The following ATXN7L1 variants were observed in gnomAD, a reference collection of about 807,000 sequenced individuals.
The protein encoded by ATXN7L1 is ataxin 7 like 1.
ATXN7L1 carries 15 observed loss-of-function variants against 70.8 expected under a neutral mutation model. The ratio of observed to expected loss-of-function variants is 0.21; its 90% CI spans 0.14 to 0.33. The LOEUF (loss-of-function observed/expected upper bound fraction) is 0.33, where lower values mean the gene tolerates loss of function less well. Ranked by LOEUF, ATXN7L1 falls within the 10% of genes least tolerant of loss-of-function variation. The pLI is 1.00. For synonymous variants in ATXN7L1, 440 were observed against 445.1 expected (o/e 0.99, Z 0.14); for missense variants, 975 against 1,097.1 (o/e 0.89, Z 1.57).
At chr7:105,652,567 G>A (rs1800013452) in intron 4 of ATXN7L1, among the ~76,000 whole-genome samples, 2 of 152,170 alleles carry the variant, frequency 1.3e-5, no homozygotes, top group African/African-American at 4.8e-5. Context: ...TGTTCGAGCT[G>A]TAGGCTGCTC....
At chr7:105,764,310 A>C (rs1325674023) in intron 3 of ATXN7L1, among the ~76,000 whole-genome samples, 10 of 152,208 alleles carry the variant, frequency 6.6e-5, no homozygotes, top group East Asian at 5.8e-4. Context: ...AGAAAAAAAA[A>C]AAACCACAAT....
chr7:105,767,927 G>A (rs77828298), intron 3 of ATXN7L1, among the ~76,000 whole-genome samples: 6,491 of 152,314 alleles, frequency 0.043, 478 homozygotes, highest in African/African-American at 0.15. Flanking sequence ...CCTGCAGTGT[G>A]AAAAGACAGA....
At chr7:105,737,293 C>T (rs1797490447) in intron 3 of ATXN7L1, among the ~76,000 whole-genome samples, 1 of 152,228 alleles carries the variant, frequency 6.6e-6, no homozygotes, top group Non-Finnish European at 1.5e-5. Context: ...ATAAACTTTT[C>T]AAACTTCCTC....
chr7:105,712,662 C>T (rs1794074171), intron 3 of ATXN7L1, among the ~76,000 whole-genome samples: 1 of 152,210 alleles, frequency 6.6e-6, no homozygotes, highest in African/African-American at 2.4e-5. Context: ...CACCTTTGCT[C>T]CACTTTCCAA....
chr7:105,745,104 T>A (rs1290271132), intron 3 of ATXN7L1, among the ~76,000 whole-genome samples: 1 of 152,202 alleles, frequency 6.6e-6, no homozygotes, highest in Non-Finnish European at 1.5e-5. Context: ...ATGATGTTAG[T>A]TTCCTGATAA....
At chr7:105,674,356 T>C (rs118038385) in intron 3 of ATXN7L1, among the ~76,000 whole-genome samples, 1 of 152,356 alleles carries the variant, frequency 6.6e-6, no homozygotes, top group East Asian at 1.9e-4. Flanking sequence ...GAGTACCTAC[T>C]ATATATCAGG....
chr7:105,750,988 G>GT (rs1799149027), intron 3 of ATXN7L1, among the ~76,000 whole-genome samples: 2 of 152,148 alleles, frequency 1.3e-5, no homozygotes, highest in South Asian at 2.1e-4. Context: ...CCTCACTGTT[G>GT]TTTTTTCCTT....
intron 3 of ATXN7L1, among the ~76,000 whole-genome samples, chr7:105,690,547 C>A (rs1254994139): frequency 6.6e-6 from 1 of 152,126 alleles, no homozygotes; most frequent in Admixed American, 6.6e-5. Flanking sequence ...TTCCGTGAGG[C>A]CTAAATGATG....
intron 2 of ATXN7L1, among the ~76,000 whole-genome samples, chr7:105,862,850 C>T (rs756567189): frequency 4.6e-5 from 7 of 152,142 alleles, no homozygotes; most frequent in Non-Finnish European, 8.8e-5. Context: ...TCGCCCTGTC[C>T]TCATGTGGGA....
intron 3 of ATXN7L1, among the ~76,000 whole-genome samples, chr7:105,689,786 C>T (rs551466553): frequency 6.6e-6 from 1 of 152,284 alleles, no homozygotes; most frequent in South Asian, 2.1e-4. Flanking sequence ...GGCGAAGGTC[C>T]GATGGATCAT....
At chr7:105,817,817 T>G (rs1809421040) in intron 2 of ATXN7L1, among the ~76,000 whole-genome samples, 1 of 152,166 alleles carries the variant, frequency 6.6e-6, no homozygotes, top group African/African-American at 2.4e-5. Flanking sequence ...TTTCAGCTAC[T>G]CCGGAGGCTG....
intron 3 of ATXN7L1, among the ~76,000 whole-genome samples, chr7:105,697,373 C>T (rs565322159): frequency 5.9e-5 from 9 of 152,304 alleles, no homozygotes; most frequent in African/African-American, 1.9e-4. Context: ...AGGAACGTTC[C>T]ATGCTGAGAA....
chr7:105,695,657 C>T (rs1791611633), intron 3 of ATXN7L1, among the ~76,000 whole-genome samples: 2 of 152,174 alleles, frequency 1.3e-5, no homozygotes, highest in East Asian at 3.8e-4. Flanking sequence ...GGGGATCTAG[C>T]TTAGCACATG....
intron 2 of ATXN7L1, among the ~76,000 whole-genome samples, chr7:105,859,743 T>C (rs1816278441): frequency 6.6e-6 from 1 of 151,802 alleles, no homozygotes; most frequent in African/African-American, 2.4e-5. Context: ...ATCCCCATCA[T>C]TAAGGAATGC....
At chr7:105,744,482 T>C (rs989937714) in intron 3 of ATXN7L1, among the ~76,000 whole-genome samples, 1 of 152,104 alleles carries the variant, frequency 6.6e-6, no homozygotes, top group Non-Finnish European at 1.5e-5. Context: ...CCAAAGGGCT[T>C]GTTCTCCATG....
chr7:105,648,921 C>CT (rs762167727), intron 4 of ATXN7L1, among the ~76,000 whole-genome samples: 3 of 138,682 alleles, frequency 2.2e-5, no homozygotes, highest in African/African-American at 1.0e-4. Flanking sequence ...AACGCAAACA[C>CT]CTCCATGTGC....
At chr7:105,872,901 TC>T (rs1818481275) in intron 2 of ATXN7L1, among the ~76,000 whole-genome samples, 2 of 150,258 alleles carry the variant, frequency 1.3e-5, no homozygotes, top group South Asian at 4.2e-4. Flanking sequence ...ATGCCTGTAA[TC>T]CCAGCACTTT....
intron 7 of ATXN7L1, among the ~76,000 whole-genome samples, chr7:105,635,206 C>A (rs568114846): frequency 5.3e-5 from 8 of 152,236 alleles, no homozygotes; most frequent in Non-Finnish European, 1.2e-4. Context: ...CAGATCCCAG[C>A]CCTCTTTGCC....
chr7:105,660,940 T>C (rs556808457), intron 4 of ATXN7L1, among the ~76,000 whole-genome samples: 35 of 152,340 alleles, frequency 2.3e-4, no homozygotes, highest in African/African-American at 8.2e-4. Flanking sequence ...GGTACCCTTC[T>C]CCTTTGCTAC....
Sources: gnomAD v4.1 joint callset for allele counts (sites outside exome capture counted in the v4.1 genomes callset) on GRCh38, gnomAD v4.1.1 for gene constraint, MANE v1.5 for transcripts, NCBI Gene and HGNC (gene_info 2026-07-23, HGNC 2026-07-21) for gene names.